MMD2: variants seen among roughly 807,000 people sequenced by gnomAD.
MMD2 encodes the protein monocyte to macrophage differentiation associated 2, also known as monocyte to macrophage differentiation factor 2.
Under a neutral mutation model 33.5 loss-of-function variants are expected in MMD2, and 30 were observed. The ratio of observed to expected loss-of-function variants is 0.90; its 90% confidence interval spans 0.67 to 1.22. MMD2 has a LOEUF of 1.22. Ranked by LOEUF, MMD2 falls within the 50% of genes most tolerant of loss-of-function variation. The pLI is 0.00. For synonymous variants in MMD2, 129 were observed against 123.0 expected, an observed-to-expected ratio of 1.05 and a Z score of -0.32; for missense variants, 364 against 325.4, an observed-to-expected ratio of 1.12 and a Z score of -0.91.
chr7:4,909,724 T>G (rs1452686436), intron 6 of MMD2, 157 bp downstream of exon 6: 1 of 972,282 alleles, frequency 1.0e-6, no homozygotes, highest in Admixed American at 2.0e-5. Context: ...CATGAGCCAC[T>G]GTACCTGGCC....
At chr7:4,938,671 G>T (rs1017431848) in intron 1 of MMD2, among the ~76,000 whole-genome samples, 9 of 152,116 alleles carry the variant, frequency 5.9e-5, no homozygotes, top group Admixed American at 1.3e-4. Flanking sequence ...TGTCGACTTG[G>T]AAAGGCAGAA....
chr7:4,912,940 G>A (rs528546643), intron 4 of MMD2, among the ~76,000 whole-genome samples: 3 of 152,214 alleles, frequency 2.0e-5, no homozygotes, highest in Admixed American at 6.5e-5. Flanking sequence ...CTGACCTCAG[G>A]TGATCTGCCC....
At chr7:4,932,070 C>T (rs1028533341) in intron 1 of MMD2, among the ~76,000 whole-genome samples, 4 of 152,218 alleles carry the variant, frequency 2.6e-5, no homozygotes, top group African/African-American at 9.6e-5. Context: ...GCTTCCCCTG[C>T]TCCTGTAACA....
chr7:4,927,083 G>T (rs1785450843), intron 1 of MMD2, among the ~76,000 whole-genome samples: 1 of 152,060 alleles, frequency 6.6e-6, no homozygotes, highest in Non-Finnish European at 1.5e-5. Flanking sequence ...ATTCCACTGG[G>T]TGAACAGACC....
intron 2 of MMD2, among the ~76,000 whole-genome samples, chr7:4,921,704 C>T (rs1231848410): frequency 2.0e-5 from 3 of 151,948 alleles, no homozygotes; most frequent in East Asian, 3.9e-4. Flanking sequence ...ACGCAATCTG[C>T]CTGCAAGATC....
chr7:4,953,180 T>C (rs1786295451), intron 1 of MMD2, among the ~76,000 whole-genome samples: 1 of 151,934 alleles, frequency 6.6e-6, no homozygotes, highest in East Asian at 1.9e-4. Context: ...CCTGGACGTA[T>C]TCCTATCTGA....
chr7:4,948,743 T>C (rs1394636944), intron 1 of MMD2, among the ~76,000 whole-genome samples: 1 of 152,222 alleles, frequency 6.6e-6, no homozygotes, highest in Non-Finnish European at 1.5e-5. Flanking sequence ...TGCTGACACT[T>C]TGATCTTGAC....
intron 1 of MMD2, among the ~76,000 whole-genome samples, chr7:4,931,602 T>A (rs970193629): frequency 1.3e-5 from 2 of 151,758 alleles, no homozygotes; most frequent in East Asian, 3.9e-4. Context: ...CTAATACTTT[T>A]TAATTTTTGT....
chr7:4,923,617 A>AG (rs55754302), intron 2 of MMD2, among the ~76,000 whole-genome samples: 1 of 151,842 alleles, frequency 6.6e-6, no homozygotes, highest in Admixed American at 6.6e-5. Flanking sequence ...CTAGAGCTTT[A>AG]TTTTTGGGGT....
chr7:4,959,057 G>C lies in MMD2; in HGVS notation c.-40C>G. 8.0e-7 allele frequency: 1 copy of C among 1,247,314 alleles called. No individual in the cohort carries two copies. The highest frequency in any genetic ancestry group is 1.0e-6 in the Non-Finnish European group (1 of 987,220). 77.3% of individuals were successfully genotyped at this position (1,247,314 alleles called of 1,614,324 possible). ...GGGAATCTGGCCCCGGGCTCAGAGC[G>C]CGGGTAGCTGGCAGAGCCTGGGGGG... On this transcript the variant is annotated 5_prime_UTR_variant, in exon 1 of 7. Coordinates refer to ENST00000401401, the MANE Select transcript of MMD2 (RefSeq NM_198403.4).
rs1302246813 is a variant in MMD2 at position 4,911,166 on chromosome 7, T to C, written c.446A>G (p.Tyr149Cys). ...TTACCGCTCATGGAAGAAGAAGACATAGATGGTGCCCACGGAAGCCATAAT... is the reference window on the plus strand; with the variant it reads ...TTACCGCTCATGGAAGAAGAAGACACAGATGGTGCCCACGGAAGCCATAAT... ...VWIMASVGTI[Y>C]VFFFHERYKL... Residue 149 changes from tyrosine (Y) to cysteine (C), a missense_variant, in exon 5 of 7, where the codon TAT (tyrosine) becomes TGT (cysteine). Transcript: ENST00000401401. 2 of 1,591,676 alleles carry C rather than the reference T, an allele frequency of 1.3e-6. No individual in the cohort carries two copies. Among genetic ancestry groups the C allele is most frequent in the Non-Finnish European group, 1.7e-6 (2 of 1,170,102 alleles).
At chr7:4,904,124 G>A (rs1208005543), downstream of MMD2, among the ~76,000 whole-genome samples, 2 of 152,124 alleles carry the variant, frequency 1.3e-5, no homozygotes, top group African/African-American at 2.4e-5. Context: ...GTAGAGACGG[G>A]GTTTCACCAC....
At chr7:4,901,429 C>G (rs181071207), downstream of MMD2, among the ~76,000 whole-genome samples, 162 of 152,182 alleles carry the variant, frequency 1.1e-3, no homozygotes, top group African/African-American at 3.5e-3. Context: ...TGACAGAGAA[C>G]CGATCTCAAA....
At chr7:4,933,940 CTTTTTTT>C (rs71032998) in intron 1 of MMD2, among the ~76,000 whole-genome samples, 3 of 119,048 alleles carry the variant, frequency 2.5e-5, no homozygotes, top group Non-Finnish European at 1.7e-5. Flanking sequence ...GCCACAATGC[CTTTTTTT>C]TTTTTTTTTT....
chr7:4,947,288 G>A (rs1469154565), intron 1 of MMD2, among the ~76,000 whole-genome samples: 66 of 152,270 alleles, frequency 4.3e-4, no homozygotes, highest in Non-Finnish European at 1.0e-4. Context: ...GGCGGCTTCT[G>A]CTTCTGGGGA....
chr7:4,949,322 C>G (rs563657633), intron 1 of MMD2, among the ~76,000 whole-genome samples: 2 of 152,056 alleles, frequency 1.3e-5, no homozygotes, highest in Non-Finnish European at 2.9e-5. Context: ...CAACCTCCCC[C>G]CAACCTGCCC....
chr7:4,935,907 G>A (rs1273568145), intron 1 of MMD2, among the ~76,000 whole-genome samples: 1 of 151,992 alleles, frequency 6.6e-6, no homozygotes, highest in Non-Finnish European at 1.5e-5. Context: ...ATTTTGGGCC[G>A]GGCGCGATGG....
chr7:4,927,166 AC>A (rs1228381895), intron 1 of MMD2, among the ~76,000 whole-genome samples: 1 of 152,088 alleles, frequency 6.6e-6, no homozygotes, highest in Non-Finnish European at 1.5e-5. Flanking sequence ...CGGCCCATGA[AC>A]TTTTTTGTGC....
intron 1 of MMD2, among the ~76,000 whole-genome samples, chr7:4,929,116 C>T (rs546402612): frequency 2.6e-5 from 4 of 152,252 alleles, no homozygotes; most frequent in South Asian, 2.1e-4. Flanking sequence ...GGACACTTGG[C>T]GCCTGGGTGA....
Sources: allele counts gnomAD v4.1 joint callset (sites outside exome capture counted in the v4.1 genomes callset), GRCh38; gene constraint gnomAD v4.1.1; transcripts MANE v1.5; gene names NCBI Gene and HGNC (gene_info 2026-07-23, HGNC 2026-07-21).